The following HACE1 variants were observed in gnomAD, a reference collection of about 807,000 sequenced individuals.
The protein encoded by HACE1 is HECT domain and ankyrin repeat containing E3 ubiquitin protein ligase 1.
Under a neutral mutation model 118.4 loss-of-function variants are expected in HACE1, and 73 were observed. The ratio of observed to expected loss-of-function variants is 0.62; its 90% CI spans 0.51 to 0.75. The LOEUF (loss-of-function observed/expected upper bound fraction) is 0.75, where lower values mean the gene tolerates loss of function less well. Among genes scored for constraint, HACE1 ranks in the 30% least tolerant of loss-of-function variants. The pLI is 0.00. For synonymous variants in HACE1, 368 were observed against 374.8 expected (o/e 0.98, Z 0.21); for missense variants, 749 against 1,102.2 (o/e 0.68, Z 4.54).
chr6:104,790,849 T>A (rs1354574330), intron 11 of HACE1, among the ~76,000 whole-genome samples: 1 of 152,176 alleles, frequency 6.6e-6, no homozygotes, highest in African/African-American at 2.4e-5. Context: ...CAAAAAAACA[T>A]TAACAAGAGC....
chr6:104,737,371 T>G (rs1057107935), intron 22 of HACE1, among the ~76,000 whole-genome samples: 1 of 148,752 alleles, frequency 6.7e-6, no homozygotes, highest in Non-Finnish European at 1.5e-5. Flanking sequence ...GCTCCCAGCG[T>G]GAGCCACGCA....
chr6:104,852,311 A>G lies in HACE1; in HGVS notation c.131+6T>C, dbSNP rs1582789206. ...AAAAGCAAAAATTTTTGGAACAAGC[A>G]CTCACCTGTGTTGATCAGCCATAAC... On this transcript the variant is annotated splice_donor_region_variant and intron_variant, in intron 2 of 23. Transcript: ENST00000262903. 3.1e-6 allele frequency: 5 copies of G among 1,606,228 alleles called. No homozygotes were observed. The highest frequency in any genetic ancestry group is 4.3e-6 in the Non-Finnish European group (5 of 1,173,072).
At chr6:104,739,654 A>C (rs1229924409) in intron 22 of HACE1, among the ~76,000 whole-genome samples, 237 of 150,290 alleles carry the variant, frequency 1.6e-3, no homozygotes, top group Middle Eastern at 3.4e-3. Context: ...CAGGAACACC[A>C]AGATTCATAA....
chr6:104,790,063 A>T (rs2114829721), intron 11 of HACE1, among the ~76,000 whole-genome samples: 1 of 151,062 alleles, frequency 6.6e-6, no homozygotes, highest in South Asian at 2.1e-4. Context: ...GAGGTGGCAC[A>T]ATAAGAAAAA....
At chr6:104,827,075 A>C (rs1304698396) in intron 6 of HACE1, among the ~76,000 whole-genome samples, 1 of 152,168 alleles carries the variant, frequency 6.6e-6, no homozygotes, top group Non-Finnish European at 1.5e-5. Flanking sequence ...TACAAACCTA[A>C]TGTGTAGGTC....
chr6:104,851,730 C>CA (rs11308954), intron 2 of HACE1, among the ~76,000 whole-genome samples: 2 of 150,744 alleles, frequency 1.3e-5, no homozygotes, highest in African/African-American at 2.4e-5. Context: ...AAATTTAAAA[C>CA]AAAAAAAAAA....
At position 104,785,147 on chromosome 6, in the gene HACE1, T is replaced by C; in HGVS notation, c.1247A>G (p.Tyr416Cys). The C allele has an allele frequency of 7.4e-6, 12 of 1,614,052 alleles. No individual in the cohort carries two copies. Among genetic ancestry groups the C allele is most frequent in the Non-Finnish European group, 1.0e-5 (12 of 1,179,966 alleles). ...PPFEPPGPGS[Y>C]ENLSTGTRES... Reference sequence around the variant, plus strand: ...CCTTGTGCCAGTGGACAGATTTTCATAGCTCCCAGGTCCTGGAGGTTCAAA... The same window carrying C: ...CCTTGTGCCAGTGGACAGATTTTCACAGCTCCCAGGTCCTGGAGGTTCAAA... Residue 416 changes from tyrosine to cysteine, a missense_variant, in exon 12 of 24, where the codon TAT becomes TGT. Physicochemically the swap from Tyr to Cys is radical, Grantham distance 194. Transcript: ENST00000262903.
chr6:104,815,087 G>T lies in HACE1; in HGVS notation c.535-3694C>A, dbSNP rs1442412661. 2.2e-5 allele frequency among the ~76,000 whole-genome samples: 3 copies of T among 138,004 alleles called. 1 individual carries two copies. The highest frequency in any genetic ancestry group is 4.7e-5 in the Non-Finnish European group (3 of 64,200). 90.5% of individuals were successfully genotyped at this position (138,004 alleles called of 152,430 possible). A position where few individuals can be genotyped will look rare whatever the true frequency, so the allele number is the denominator to read the frequency against. ...TGGAACTGGGTAAGGGGCAGAGGTT[G>T]GAACAGTTTGGAGGGCTCTGAAGAA... On this transcript the variant is annotated intron_variant, in intron 6 of 23. Transcript: ENST00000262903.
chr6:104,821,996 C>T lies in HACE1; in HGVS notation c.535-10603G>A, dbSNP rs576827337. ...ACCAAAGTGGGAGGAGTGCTTGAGG[C>T]CAGGAGTTCAAGACCAATCTGGGCA... On this transcript the variant is annotated intron_variant, in intron 6 of 23. Transcript: ENST00000262903. Among the ~76,000 whole-genome samples, 9 of 152,074 alleles carry T rather than the reference C, an allele frequency of 5.9e-5. No individual in the cohort carries two copies. The East Asian group carries it at 1.7e-3, about 29-fold the overall frequency.
At chr6:104,780,480 G>A (rs1781612316) in intron 14 of HACE1, 1 of 347,262 alleles carries the variant, frequency 2.9e-6, no homozygotes, top group Non-Finnish European at 5.5e-6. Context: ...AACAGAAGAA[G>A]AAGTCAATCC....
At chr6:104,735,617 C>A (rs553612254) in intron 22 of HACE1, among the ~76,000 whole-genome samples, 2 of 151,020 alleles carry the variant, frequency 1.3e-5, no homozygotes, top group African/African-American at 4.9e-5. Flanking sequence ...GACGACAGAG[C>A]GAGACTCCGT....
chr6:104,835,805 T>C (rs953395809), intron 5 of HACE1, among the ~76,000 whole-genome samples: 2 of 152,168 alleles, frequency 1.3e-5, no homozygotes, highest in East Asian at 1.9e-4. Flanking sequence ...AAGGACAAAG[T>C]AGATTCTATA....
chr6:104,742,272 C>T (rs1387260316), intron 22 of HACE1, among the ~76,000 whole-genome samples: 2 of 138,248 alleles, frequency 1.4e-5, no homozygotes, highest in Non-Finnish European at 3.1e-5. Context: ...ATGTCTAAAA[C>T]ACCAAAAGCA....
Position 104,811,869 on chromosome 6 carries a change from GAAT to G in HACE1, c.535-479_535-477del, listed in dbSNP as rs575388165. Among the ~76,000 whole-genome samples, 364 of 152,106 alleles carry G rather than the reference GAAT, an allele frequency of 2.4e-3. 1 individual carries two copies. Among genetic ancestry groups the G allele is most frequent in the Non-Finnish European group, 4.1e-3 (277 of 67,978 alleles). On this transcript the variant is annotated intron_variant, in intron 6 of 23. Coordinates refer to ENST00000262903, the MANE Select transcript of HACE1 (RefSeq NM_020771.4). ...TTCACCTCTAAAAAACTAAGCACCA[GAAT>G]AATAACTTTCCCAAAGTCAAGAGCA...
intron 1 of HACE1, among the ~76,000 whole-genome samples, chr6:104,856,641 A>T (rs1776748127): frequency 6.6e-6 from 1 of 152,202 alleles, no homozygotes; most frequent in African/African-American, 2.4e-5. Context: ...TCACCATGTT[A>T]GCCAGCTGGT....
intron 5 of HACE1, among the ~76,000 whole-genome samples, chr6:104,838,404 C>T (rs1774755039): frequency 6.6e-6 from 1 of 152,054 alleles, no homozygotes; most frequent in Non-Finnish European, 1.5e-5. Flanking sequence ...AATAAATCCA[C>T]ACATCTACAG....
chr6:104,801,510 C>T (rs1242102433), intron 7 of HACE1, among the ~76,000 whole-genome samples: 2 of 152,144 alleles, frequency 1.3e-5, no homozygotes, highest in African/African-American at 2.4e-5. Context: ...AGACTAACAG[C>T]GGATCTCTCG....
chr6:104,851,418 C>T (rs2114306129), intron 2 of HACE1, among the ~76,000 whole-genome samples: 1 of 152,288 alleles, frequency 6.6e-6, no homozygotes, highest in Admixed American at 6.5e-5. Context: ...TTGTCCCACA[C>T]CCACCACAAA....
intron 19 of HACE1, among the ~76,000 whole-genome samples, chr6:104,758,101 G>C (rs760895420): frequency 5.9e-5 from 9 of 152,116 alleles, no homozygotes; most frequent in Non-Finnish European, 8.8e-5. Context: ...CGGGGAGAAT[G>C]GAACCAAGTT....
Sources: allele counts gnomAD v4.1 joint callset (sites outside exome capture counted in the v4.1 genomes callset), GRCh38; gene constraint gnomAD v4.1.1; transcripts MANE v1.5; gene names NCBI Gene and HGNC (gene_info 2026-07-23, HGNC 2026-07-21).